PLD1: variants seen among roughly 807,000 people sequenced by gnomAD.
PLD1 encodes the protein choline phosphatase 1.
In PLD1, 112 loss-of-function variants were observed where a neutral mutation model predicts 137.1. The observed-to-expected ratio is 0.82, with a 90% CI of 0.70 to 0.96. PLD1 has a LOEUF of 0.96. PLD1 is among the 40% of genes least tolerant of loss of function. PLD1 has a pLI of 0.00. For synonymous variants in PLD1, 431 were observed against 454.7 expected, an observed-to-expected ratio of 0.95 and a Z score of 0.66; for missense variants, 1,321 against 1,342.0, an observed-to-expected ratio of 0.98 and a Z score of 0.24.
chr3:171,809,151 T>C (rs1724005415), intron 1 of PLD1: 1 of 152,348 alleles, frequency 6.6e-6, no homozygotes, highest in Admixed American at 6.5e-5. Flanking sequence ...ATATGGATTG[T>C]TAACTGTACT....
chr3:171,808,815 A>ATTTTATTTTTTTTTTTTTTTTT (rs1723980991), intron 1 of PLD1, among the ~76,000 whole-genome samples: 1 of 86,230 alleles, frequency 1.2e-5, no homozygotes, highest in African/African-American at 4.8e-5. Context: ...TTAGCATTCA[A>ATTTTATTTTTTTTTTTTTTTTT]TTTTTTTTTT....
rs949148121 is a variant in PLD1, at chr3:171,653,112, A to G, written c.2429+6101T>C. ...CTGTATGACTTGGCTAAGTTATCTA[A>G]TTTCACTAGGCCTCAGCTGCCTCAT... On this transcript the variant is annotated intron_variant, in intron 21 of 26. Transcript: ENST00000351298. 1.3e-5 allele frequency: 2 copies of G among 152,072 alleles called. 1 individual carries two copies. The highest frequency in any genetic ancestry group is 2.9e-5 in the Non-Finnish European group (2 of 68,008). The allele number at this position is 152,072 out of a possible 1,614,324, so 9.4% of individuals were successfully genotyped here.
At chr3:171,791,265 GCT>G (rs1723200466) in intron 1 of PLD1, among the ~76,000 whole-genome samples, 1 of 152,150 alleles carries the variant, frequency 6.6e-6, no homozygotes, top group Non-Finnish European at 1.5e-5. Flanking sequence ...CTTTAGATAG[GCT>G]CTGTCTTTTC....
chr3:171,738,091 G>A lies in PLD1; in HGVS notation c.-31-9C>T, dbSNP rs751618313. 4.0e-6 allele frequency: 6 copies of A among 1,514,804 alleles called. No homozygotes were observed. The African/African-American group carries it at 7.0e-5, about 18-fold the overall frequency. 93.8% of individuals were successfully genotyped at this position (1,514,804 alleles called of 1,614,324 possible). ...GAGTAAAAGCAAAGGGGCTAGGAAA[G>A]AAGAAAACGGTTACAAAGACTTAGC... is the stretch of plus-strand genomic sequence containing the variant. On this transcript the variant is annotated splice_polypyrimidine_tract_variant and intron_variant, in intron 1 of 26. Transcript: ENST00000351298.
At chr3:171,606,574 T>C (rs1307789848) in intron 25 of PLD1, among the ~76,000 whole-genome samples, 3 of 152,174 alleles carry the variant, frequency 2.0e-5, no homozygotes, top group Non-Finnish European at 4.4e-5. Flanking sequence ...CCAGAGGATG[T>C]GGAATCCTGA....
intron 11 of PLD1, among the ~76,000 whole-genome samples, chr3:171,701,079 C>T (rs559481465): frequency 1.3e-5 from 2 of 152,158 alleles, no homozygotes; most frequent in East Asian, 3.9e-4. Context: ...CTTTAAGGAG[C>T]TAAAGAGATT....
At chr3:171,660,419 A>G (rs1217324659) in intron 20 of PLD1, among the ~76,000 whole-genome samples, 1 of 152,176 alleles carries the variant, frequency 6.6e-6, no homozygotes, top group Non-Finnish European at 1.5e-5. Flanking sequence ...CTGTAAACAC[A>G]GACTGGCTAC....
chr3:171,688,713 T>G lies in PLD1; in HGVS notation c.1502A>C (p.Lys501Thr). 3 of 1,614,144 alleles carry G rather than the reference T, an allele frequency of 1.9e-6. No homozygotes were observed. The highest frequency in any genetic ancestry group is 2.5e-6 in the Non-Finnish European group (3 of 1,180,000). The change falls in exon 14 of 27, where the codon AAG (lysine) becomes ACG (threonine). Residue 501 changes from lysine to threonine, a missense_variant. Transcript: ENST00000351298. The part of the protein sequence containing the change: ...EHRLTDVGSV[K>T]RVTSGPSLGS... Reference sequence around the variant, plus strand: ...CAGAGACGGTCCTGAAGTGACCCGCTTCACACTGCCCACGTCTGTGAGTCT... The same window carrying G: ...CAGAGACGGTCCTGAAGTGACCCGCGTCACACTGCCCACGTCTGTGAGTCT...
At chr3:171,679,749 G>T (rs180947038) in intron 16 of PLD1, among the ~76,000 whole-genome samples, 61 of 152,180 alleles carry the variant, frequency 4.0e-4, no homozygotes, top group African/African-American at 1.0e-3. Context: ...TTTGTTTTTA[G>T]CCATGGCCTA....
intron 1 of PLD1, among the ~76,000 whole-genome samples, chr3:171,746,450 C>T (rs955756344): frequency 6.6e-6 from 1 of 152,220 alleles, no homozygotes; most frequent in Non-Finnish European, 1.5e-5. Context: ...AATCAGTGCT[C>T]TGTGTCCAGC....
intron 5 of PLD1, 21 bp downstream of exon 5, chr3:171,734,844 C>G: frequency 6.8e-7 from 1 of 1,474,014 alleles, no homozygotes; most frequent in Non-Finnish European, 9.5e-7. Flanking sequence ...TTTAAAACCA[C>G]AGAATAGTGA....
intron 1 of PLD1, among the ~76,000 whole-genome samples, chr3:171,808,344 G>A (rs1432684350): frequency 1.3e-5 from 2 of 152,070 alleles, no homozygotes; most frequent in African/African-American, 4.8e-5. Context: ...AGACCATCCT[G>A]GCTAACACGG....
intron 20 of PLD1, 76 bp downstream of exon 20, chr3:171,661,984 T>C (rs1054808490): frequency 1.0e-5 from 8 of 780,722 alleles, no homozygotes; most frequent in Non-Finnish European, 1.8e-5. Flanking sequence ...GGTCCTAAGT[T>C]TGGGGACCCT....
rs895065212 is a variant in PLD1, at chr3:171,620,462, G to A, written c.2652C>T (p.Leu884=). ...TAAGCTCAGTTACTAGGTTTCCTTCGAGCTCTGCATGTGTTCTAAGACCAC... is the reference window on the plus strand; with the variant it reads ...TAAGCTCAGTTACTAGGTTTCCTTCAAGCTCTGCATGTGTTCTAAGACCAC... The part of the protein sequence containing the change: ...SFCGLRTHAE[L]EGNLVTELIY... Residue 884 remains leucine (L), a synonymous_variant, in exon 24 of 27, where the codon CTC becomes CTT. Transcript: ENST00000351298. 7 of 1,597,686 alleles carry A rather than the reference G, an allele frequency of 4.4e-6. No homozygotes were observed. Among genetic ancestry groups the A allele is most frequent in the Non-Finnish European group, 4.3e-6 (5 of 1,167,218 alleles).
intron 21 of PLD1, among the ~76,000 whole-genome samples, chr3:171,650,328 GA>G (rs1383070044): frequency 1.3e-5 from 2 of 152,200 alleles, no homozygotes; most frequent in Non-Finnish European, 2.9e-5. Context: ...GAACTCCAGA[GA>G]AATGTGGAGC....
In PLD1 at chr3:171,688,749, T is replaced by C; in HGVS notation, c.1466A>G (p.Asp489Gly). 1 of 1,614,196 alleles carries C rather than the reference T, an allele frequency of 6.2e-7. No homozygotes were observed. Among genetic ancestry groups the C allele is most frequent in the Non-Finnish European group, 8.5e-7 (1 of 1,180,022 alleles). Residue 489 changes from aspartate (D) to glycine (G), a missense_variant, in exon 14 of 27, where the codon GAC (aspartate) becomes GGC (glycine). Coordinates refer to ENST00000351298, the MANE Select transcript of PLD1 (RefSeq NM_002662.5). ...GIDLAYGRWD[D>G]NEHRLTDVGS... ...CACGTCTGTGAGTCTGTGCTCATTG[T>C]CGTCCCACCTTCCATAGGCCAGGTC...
At chr3:171,763,367 G>A (rs1231146782) in intron 1 of PLD1, among the ~76,000 whole-genome samples, 2 of 150,266 alleles carry the variant, frequency 1.3e-5, no homozygotes, top group Non-Finnish European at 3.0e-5. Context: ...AGGCTGCGGT[G>A]AAGTTTGATG....
At chr3:171,657,599 A>T (rs779040544) in intron 21 of PLD1, among the ~76,000 whole-genome samples, 1 of 152,214 alleles carries the variant, frequency 6.6e-6, no homozygotes, top group Non-Finnish European at 1.5e-5. Flanking sequence ...TCAACAAAAG[A>T]ATAAAAAGTT....
intron 3 of PLD1, among the ~76,000 whole-genome samples, chr3:171,736,930 A>G (rs1201197176): frequency 1.3e-5 from 2 of 152,364 alleles, no homozygotes; most frequent in East Asian, 3.9e-4. Flanking sequence ...TGATTGTTGA[A>G]GACATTTTAC....
Sources: allele counts gnomAD v4.1 joint callset (sites outside exome capture counted in the v4.1 genomes callset), GRCh38; gene constraint gnomAD v4.1.1; transcripts MANE v1.5; gene names NCBI Gene and HGNC (gene_info 2026-07-23, HGNC 2026-07-21).